DLGAP2: variants seen among roughly 807,000 people sequenced by gnomAD.
The protein encoded by DLGAP2 is disks large-associated protein 2.
Under a neutral mutation model 100.3 loss-of-function variants are expected in DLGAP2, and 26 were observed. The ratio of observed to expected loss-of-function variants is 0.26; its 90% CI spans 0.19 to 0.36. The LOEUF is 0.36. Ranked by LOEUF, DLGAP2 falls within the 10% of genes least tolerant of loss-of-function variation. DLGAP2 has a pLI of 1.00. For missense variants in DLGAP2, 1,858 were observed against 1,453.2 expected (o/e 1.28, Z -4.53); for synonymous variants, 886 against 630.1 (o/e 1.41, Z -6.08).
intron 1 of DLGAP2, among the ~76,000 whole-genome samples, chr8:827,927 C>T (rs567715153): frequency 2.0e-4 from 30 of 152,026 alleles, no homozygotes; most frequent in African/African-American, 7.0e-4. Context: ...GCTGGGTGTC[C>T]GGGGGAGACA....
intron 6 of DLGAP2, among the ~76,000 whole-genome samples, chr8:1,598,719 A>G (rs192890486): frequency 1.4e-4 from 22 of 151,962 alleles, no homozygotes; most frequent in Admixed American, 1.1e-3. Context: ...TCTCCCCTTT[A>G]TCATTTTTTA....
intron 2 of DLGAP2, among the ~76,000 whole-genome samples, chr8:1,256,475 C>G (rs1334795110): frequency 7.9e-6 from 1 of 126,216 alleles, no homozygotes; most frequent in Non-Finnish European, 1.5e-5. Context: ...CCTCTCCTGC[C>G]TGGGTGCTGT....
chr8:1,178,022 A>T (rs946719769), intron 2 of DLGAP2, among the ~76,000 whole-genome samples: 10 of 152,182 alleles, frequency 6.6e-5, no homozygotes, highest in Non-Finnish European at 1.5e-4. Context: ...TGGTGAAGGG[A>T]TTCGGCCATG....
At chr8:1,515,039 C>CG (rs1191989922) in intron 4 of DLGAP2, among the ~76,000 whole-genome samples, 15 of 151,644 alleles carry the variant, frequency 9.9e-5, no homozygotes, top group East Asian at 1.9e-4. Flanking sequence ...GCAGGGAGAC[C>CG]AACGTGCAGG....
intron 2 of DLGAP2, among the ~76,000 whole-genome samples, chr8:1,006,433 C>A (rs557971795): frequency 2.1e-5 from 3 of 141,038 alleles, no homozygotes; most frequent in Non-Finnish European, 3.1e-5. Flanking sequence ...TTTATCACGT[C>A]GGGGGCGCCC....
chr8:1,422,639 A>G (rs1797127327), intron 3 of DLGAP2, among the ~76,000 whole-genome samples: 1 of 151,644 alleles, frequency 6.6e-6, no homozygotes, highest in Non-Finnish European at 1.5e-5. Context: ...TTATCAGCAA[A>G]GGCTGGAGGG....
At chr8:1,602,510 G>A (rs775832130) in intron 6 of DLGAP2, among the ~76,000 whole-genome samples, 6 of 152,198 alleles carry the variant, frequency 3.9e-5, no homozygotes, top group Non-Finnish European at 5.9e-5. Flanking sequence ...CTGGAGGCCC[G>A]AATCCACGGA....
chr8:783,540 C>A (rs1463106205), intron 1 of DLGAP2, among the ~76,000 whole-genome samples: 2 of 152,196 alleles, frequency 1.3e-5, no homozygotes, highest in African/African-American at 4.8e-5. Flanking sequence ...ATATGGTGCT[C>A]ACCGTTCAGT....
At chr8:769,701 A>G (rs1386489368) in intron 1 of DLGAP2, among the ~76,000 whole-genome samples, 2 of 152,140 alleles carry the variant, frequency 1.3e-5, no homozygotes, top group Non-Finnish European at 2.9e-5. Context: ...GTTAGGGGCA[A>G]CAGAGACACT....
chr8:905,642 G>A (rs1209539545), intron 1 of DLGAP2, among the ~76,000 whole-genome samples: 1 of 152,150 alleles, frequency 6.6e-6, no homozygotes, highest in Non-Finnish European at 1.5e-5. Context: ...TGGGCCTCCC[G>A]TGAGCACCTC....
chr8:1,610,848 G>A (rs1327075465), intron 6 of DLGAP2, among the ~76,000 whole-genome samples: 2 of 143,848 alleles, frequency 1.4e-5, no homozygotes, highest in African/African-American at 5.6e-5. Context: ...GGAAGAAGTT[G>A]AATCTCTGAA....
chr8:1,549,033 G>A lies in DLGAP2; in HGVS notation c.580G>A (p.Asp194Asn), dbSNP rs780224074. 29 of 1,595,024 alleles carry A rather than the reference G, an allele frequency of 1.8e-5. No individual in the cohort carries two copies. The highest frequency in any genetic ancestry group is 2.2e-5 in the South Asian group (2 of 89,660). Reference sequence around the variant, plus strand: ...CAACCGCATCCCGGCCAACCTGCTGGACCAGTTCGAGAAGCAGCTGCCGCT... The same window carrying A: ...CAACCGCATCCCGGCCAACCTGCTGAACCAGTTCGAGAAGCAGCTGCCGCT... ...KINRIPANLLDQFEKQLPLHR... is the reference protein window; with the variant it reads ...KINRIPANLLNQFEKQLPLHR... The change falls in exon 5 of 15, where the codon GAC becomes AAC. Residue 194 changes from aspartate to asparagine, a missense_variant. Coordinates refer to ENST00000637795, the MANE Select transcript of DLGAP2 (RefSeq NM_001346810.2).
rs1361145206 is a variant in DLGAP2, at chr8:1,704,518, G to T, written c.*3112G>T. The T allele has an allele frequency of 1.3e-5, 2 of 152,210 alleles. No individual in the cohort carries two copies. The highest frequency in any genetic ancestry group is 4.8e-5 in the African/African-American group (2 of 41,442). 9.4% of individuals were successfully genotyped at this position (152,210 alleles called of 1,614,324 possible). On this transcript the variant is annotated 3_prime_UTR_variant, in exon 15 of 15. Coordinates refer to ENST00000637795, the MANE Select transcript of DLGAP2 (RefSeq NM_001346810.2). ...TGCGTCTCTCGCATCTTCACGTGTT[G>T]TTGTGTTTGAAGTAAAACTAGTTGT...
chr8:1,105,518 G>T (rs933623398), intron 2 of DLGAP2, among the ~76,000 whole-genome samples: 1 of 152,100 alleles, frequency 6.6e-6, no homozygotes, highest in Non-Finnish European at 1.5e-5. Context: ...CTGAGCGGGG[G>T]TCTGTGCCTG....
chr8:1,183,254 G>A (rs1007159958), intron 2 of DLGAP2, among the ~76,000 whole-genome samples: 2 of 152,142 alleles, frequency 1.3e-5, no homozygotes, highest in African/African-American at 4.8e-5. Context: ...AGACATGGAG[G>A]TTCACGGAAG....
At chr8:1,644,047 A>C (rs71499035) in intron 8 of DLGAP2, among the ~76,000 whole-genome samples, 1,660 of 13,814 alleles carry the variant, frequency 0.12, 21 homozygotes, top group Middle Eastern at 0.19. Context: ...TCACCCTCGA[A>C]CCCGCCGGTC....
At chr8:1,048,174 G>T (rs1483752353) in intron 2 of DLGAP2, among the ~76,000 whole-genome samples, 1 of 152,142 alleles carries the variant, frequency 6.6e-6, no homozygotes. Flanking sequence ...GGATAGAACT[G>T]GCCTGCAGTG....
Position 1,385,055 on chromosome 8 carries a change from C to T in DLGAP2, c.107-116311C>T, listed in dbSNP as rs111974263. On this transcript the variant is annotated intron_variant, in intron 3 of 14. Transcript: ENST00000637795. Reference sequence around the variant, plus strand: ...GTGCACAGTTACCCCGGCCTGTGCCCGTCCCCTGAGAACTTGGTGCACAGT... The same window carrying T: ...GTGCACAGTTACCCCGGCCTGTGCCTGTCCCCTGAGAACTTGGTGCACAGT... 2.3e-4 allele frequency among the ~76,000 whole-genome samples: 17 copies of T among 72,414 alleles called. No homozygotes were observed. In the East Asian group the frequency reaches 4.0e-3, roughly 17 times the overall value. The allele number at this position is 72,414 out of a possible 152,430, so 47.5% of individuals were successfully genotyped here.
intron 2 of DLGAP2, among the ~76,000 whole-genome samples, chr8:1,191,046 GCC>G (rs1484926131): frequency 6.6e-6 from 1 of 152,164 alleles, no homozygotes; most frequent in Non-Finnish European, 1.5e-5. Flanking sequence ...GGATGACCCT[GCC>G]ACATCCCACG....
Sources: allele counts gnomAD v4.1 joint callset (sites outside exome capture counted in the v4.1 genomes callset), GRCh38; gene constraint gnomAD v4.1.1; transcripts MANE v1.5; gene names NCBI Gene and HGNC (gene_info 2026-07-23, HGNC 2026-07-21).